Variants in PHLDB1 observed in about 807,000 individuals in gnomAD.
PHLDB1 encodes pleckstrin homology-like domain family B member 1.
Under a neutral mutation model 139.3 loss-of-function variants are expected in PHLDB1, and 65 were observed. The observed-to-expected ratio is 0.47, with a 90% CI of 0.38 to 0.57. PHLDB1 has a LOEUF of 0.57. Ranked by LOEUF, PHLDB1 falls within the 20% of genes least tolerant of loss-of-function variation. PHLDB1 has a pLI of 0.00. For missense variants in PHLDB1, 1,624 were observed against 1,839.7 expected, an observed-to-expected ratio of 0.88 and a Z score of 2.14; for synonymous variants, 679 against 734.5, an observed-to-expected ratio of 0.92 and a Z score of 1.22.
intron 20 of PHLDB1, chr11:118,652,886 G>A (rs1160458999): frequency 6.6e-6 from 1 of 152,504 alleles, no homozygotes. Context: ...ACTAAGTTCA[G>A]ATGGCAGGAA....
chr11:118,645,949 G>T lies in PHLDB1; in HGVS notation c.3507+124G>T, dbSNP rs1947425260. Reference sequence around the variant, plus strand: ...CATTAGCCTTGCCACATTCCCTTGGGGTAGAAAATGTTTTAAAAGGTTGTA... The same window carrying T: ...CATTAGCCTTGCCACATTCCCTTGGTGTAGAAAATGTTTTAAAAGGTTGTA... On this transcript the variant is annotated intron_variant, in intron 17 of 22. Transcript: ENST00000600882. The surrounding 1 kb of genome is among the most constrained non-coding windows in gnomAD (Gnocchi z 5.1). The T allele has an allele frequency of 6.9e-6, 5 of 726,514 alleles. No homozygotes were observed. The highest frequency in any genetic ancestry group is 1.2e-5 in the Non-Finnish European group (5 of 403,060). The allele number at this position is 726,514 out of a possible 1,614,324, so 45.0% of individuals were successfully genotyped here.
intron 20 of PHLDB1, chr11:118,653,663 G>A (rs916493061): frequency 2.0e-5 from 3 of 152,174 alleles, no homozygotes; most frequent in South Asian, 4.1e-4. Flanking sequence ...TAAGAGAAGG[G>A]TCTCTGACTT....
intron 18 of PHLDB1, among the ~76,000 whole-genome samples, 193 bp downstream of exon 18, chr11:118,648,269 TTGTGTGTGTGTGTGTGTGTGTGTGTGTG>T (rs71041842): frequency 5.6e-5 from 7 of 125,568 alleles, no homozygotes; most frequent in South Asian, 2.8e-4. Context: ...ACTATTCAAG[TTGTGTGTGTGTGTGTGTGTGTGTGTGTG>T]TGTGTGTGTG....
intron 6 of PHLDB1, among the ~76,000 whole-genome samples, chr11:118,629,482 T>C (rs1415102130): frequency 2.6e-5 from 4 of 152,204 alleles, no homozygotes; most frequent in African/African-American, 9.6e-5. Context: ...AAGAATGGAT[T>C]CTGCCCTCTG....
At chr11:118,617,830 C>T (rs1334150380) in intron 4 of PHLDB1, among the ~76,000 whole-genome samples, 1 of 152,048 alleles carries the variant, frequency 6.6e-6, no homozygotes, top group African/African-American at 2.4e-5. Context: ...GGGTTCCTAA[C>T]AGTCCTGTTC....
At chr11:118,638,685 G>A (rs1946033651) in intron 10 of PHLDB1, among the ~76,000 whole-genome samples, 1 of 152,136 alleles carries the variant, frequency 6.6e-6, no homozygotes, top group Admixed American at 6.5e-5. Flanking sequence ...ATGGCACAGG[G>A]GTCATTGGTC....
At chr11:118,609,106 T>TGCAA (rs782745273) in intron 1 of PHLDB1, among the ~76,000 whole-genome samples, 2 of 115,330 alleles carry the variant, frequency 1.7e-5, no homozygotes, top group Non-Finnish European at 3.5e-5. Context: ...GCCCAGCTCA[T>TGCAA]GCAAGCAGCC....
intron 13 of PHLDB1, 25 bp downstream of exon 13, chr11:118,642,419 C>T: frequency 6.2e-7 from 1 of 1,600,384 alleles, no homozygotes. Context: ...ACTGCCCGTC[C>T]TCCCCAGCCT....
intron 12 of PHLDB1, chr11:118,640,236 G>A (rs538283988): frequency 6.5e-6 from 1 of 152,702 alleles, no homozygotes; most frequent in South Asian, 2.1e-4. Context: ...AATTCTGCAT[G>A]CCATTCATTA....
At chr11:118,653,930 G>C (rs1555139495) in intron 20 of PHLDB1, 3 of 152,258 alleles carry the variant, frequency 2.0e-5, no homozygotes, top group African/African-American at 7.2e-5. Flanking sequence ...GGCTGGAGGA[G>C]ATAGTTCCAG....
intron 6 of PHLDB1, among the ~76,000 whole-genome samples, chr11:118,629,605 T>C (rs1944441349): frequency 6.6e-6 from 1 of 152,212 alleles, no homozygotes; most frequent in South Asian, 2.1e-4. Context: ...GGAGATGCTT[T>C]TGGAAGAGGT....
chr11:118,631,019 C>T (rs1313897597), intron 6 of PHLDB1, among the ~76,000 whole-genome samples, 188 bp from the exon 7 acceptor site: 1 of 150,336 alleles, frequency 6.7e-6, no homozygotes, highest in East Asian at 2.0e-4. Context: ...TCTTCCTGCC[C>T]ACTTCTGGGG....
intron 20 of PHLDB1, chr11:118,651,710 C>G (rs187225193): frequency 6.6e-6 from 1 of 151,986 alleles, no homozygotes; most frequent in Non-Finnish European, 1.5e-5. Flanking sequence ...TTGCTTAAAC[C>G]CAGGAGGCAG....
chr11:118,640,149 C>A (rs782258060), intron 12 of PHLDB1: 1 of 215,414 alleles, frequency 4.6e-6, no homozygotes, highest in Non-Finnish European at 8.0e-6. Flanking sequence ...AGAGTGTGTG[C>A]GAGCATGCCA....
intron 15 of PHLDB1, 95 bp downstream of exon 15, chr11:118,644,269 T>G (rs1555124761): frequency 7.0e-6 from 6 of 856,364 alleles, no homozygotes; most frequent in Non-Finnish European, 1.1e-5. Flanking sequence ...CAGGATGTTT[T>G]TCCTTTAATT....
At chr11:118,630,305 G>A (rs10892248) in intron 6 of PHLDB1, among the ~76,000 whole-genome samples, 31,042 of 152,108 alleles carry the variant, frequency 0.2, 3,395 homozygotes, top group South Asian at 0.36. Context: ...CTAGGCCCCT[G>A]AGAGGTGACT....
intron 6 of PHLDB1, chr11:118,630,000 G>GCCTCCC: frequency 7.8e-7 from 1 of 1,283,498 alleles, no homozygotes; most frequent in African/African-American, 1.5e-5. Context: ...CACTGGCCCA[G>GCCTCCC]CCTCCCAGGT....
chr11:118,650,342 A>T lies in PHLDB1; in HGVS notation c.3772-103A>T. 3 of 998,510 alleles carry T rather than the reference A, an allele frequency of 3.0e-6. No individual in the cohort carries two copies. The highest frequency in any genetic ancestry group is 4.8e-6 in the Non-Finnish European group (3 of 620,784). The allele number at this position is 998,510 out of a possible 1,614,324, so 61.9% of individuals were successfully genotyped here. ...GGACCTGGTGTGCTGGCCTGAGGAG[A>T]TGTTGGGGACAATCCCCCATGAATA... On this transcript the variant is annotated intron_variant, in intron 19 of 22. Transcript: ENST00000600882. The surrounding 1 kb of genome is among the most constrained non-coding windows in gnomAD (Gnocchi z 4.7).
In PHLDB1 at chr11:118,628,247, G is replaced by C. The variant is rs782475070; in HGVS notation, c.1424G>C (p.Arg475Pro). 62 of 1,613,880 alleles carry C rather than the reference G, an allele frequency of 3.8e-5. No individual in the cohort carries two copies. Among genetic ancestry groups the C allele is most frequent in the Non-Finnish European group, 3.2e-5 (38 of 1,179,974 alleles). Reference protein sequence around the residue: ...SRRALSPLPTRTTPDPKLNRE... With the variant: ...SRRALSPLPTPTTPDPKLNRE... ...CGAGCTCTCTCCCCGCTGCCCACCC[G>C]GACCACCCCAGATCCCAAGCTAAAC... Residue 475 changes from arginine to proline, a missense_variant, in exon 6 of 23, where the codon CGG (arginine) becomes CCG (proline). Transcript: ENST00000600882.
Sources: gnomAD v4.1 joint callset for allele counts (sites outside exome capture counted in the v4.1 genomes callset) on GRCh38, gnomAD v4.1.1 for gene constraint, Gnocchi (gnomAD v3.1) non-coding constraint, MANE v1.5 for transcripts, NCBI Gene and HGNC (gene_info 2026-07-23, HGNC 2026-07-21) for gene names.